UNC5D: variants seen among roughly 807,000 people sequenced by gnomAD.
The protein encoded by UNC5D is netrin receptor UNC5D.
UNC5D carries 39 observed loss-of-function variants against 105.4 expected under a neutral mutation model. The observed-to-expected ratio is 0.37, with a 90% CI of 0.29 to 0.48. The LOEUF is 0.48. Among genes scored for constraint, UNC5D ranks in the 20% least tolerant of loss-of-function variants. The pLI is 0.98. For missense variants in UNC5D, 991 were observed against 1,202.4 expected (o/e 0.82, Z 2.60); for synonymous variants, 452 against 450.4 (o/e 1.00, Z -0.04).
chr8:35,523,139 G>A lies in UNC5D; in HGVS notation c.104-26153G>A, dbSNP rs143481184. ...TGTTCTGTCACCTAGACTGAGTGCA[G>A]TGGTGCACTCATGGCTCACTGCAGC... On this transcript the variant is annotated intron_variant, in intron 1 of 16. Transcript: ENST00000404895. Among the ~76,000 whole-genome samples, 456 of 148,416 alleles carry A rather than the reference G, an allele frequency of 3.1e-3. 4 individuals are homozygous for A. The highest frequency in any genetic ancestry group is 0.011 in the African/African-American group (427 of 39,886).
intron 1 of UNC5D, among the ~76,000 whole-genome samples, chr8:35,508,978 T>TA (rs1812510492): frequency 6.6e-6 from 1 of 152,328 alleles, no homozygotes; most frequent in African/African-American, 2.4e-5. Context: ...AGCTAAGGTC[T>TA]AAGGTAAATG....
intron 1 of UNC5D, among the ~76,000 whole-genome samples, chr8:35,393,911 A>G (rs1414444700): frequency 6.6e-6 from 1 of 152,150 alleles, no homozygotes; most frequent in Non-Finnish European, 1.5e-5. Flanking sequence ...AGAAATAATT[A>G]TATTCCTAGT....
chr8:35,557,190 T>A (rs540956448), intron 2 of UNC5D, among the ~76,000 whole-genome samples: 124 of 152,324 alleles, frequency 8.1e-4, no homozygotes, highest in Middle Eastern at 3.4e-3. Flanking sequence ...CAGACAACAC[T>A]ATGAAGTTAA....
intron 4 of UNC5D, among the ~76,000 whole-genome samples, chr8:35,662,800 T>C (rs1224620671): frequency 6.6e-6 from 1 of 152,128 alleles, no homozygotes; most frequent in Non-Finnish European, 1.5e-5. Flanking sequence ...CAGACTAGTA[T>C]CAGTAGGTGG....
At chr8:35,330,848 T>C (rs1452029120) in intron 1 of UNC5D, among the ~76,000 whole-genome samples, 1 of 152,150 alleles carries the variant, frequency 6.6e-6, no homozygotes, top group Non-Finnish European at 1.5e-5. Context: ...TTATACAAAA[T>C]GTGGATAAAG....
At chr8:35,397,007 A>G (rs1387814506) in intron 1 of UNC5D, among the ~76,000 whole-genome samples, 1 of 151,940 alleles carries the variant, frequency 6.6e-6, no homozygotes. Flanking sequence ...TCCAGGTTCA[A>G]GCAATTCTCC....
intron 1 of UNC5D, among the ~76,000 whole-genome samples, chr8:35,526,964 T>C (rs540891974): frequency 1.6e-4 from 24 of 152,330 alleles, no homozygotes; most frequent in African/African-American, 4.8e-4. Context: ...GGGTCAAAAC[T>C]TTCTGTGCCT....
At chr8:35,613,185 T>A (rs1355215900) in intron 4 of UNC5D, among the ~76,000 whole-genome samples, 1 of 152,196 alleles carries the variant, frequency 6.6e-6, no homozygotes, top group Non-Finnish European at 1.5e-5. Flanking sequence ...TTAAGCAGTT[T>A]TCCTGCTTCA....
chr8:35,494,548 A>T (rs1007721199), intron 1 of UNC5D, among the ~76,000 whole-genome samples: 1 of 152,190 alleles, frequency 6.6e-6, no homozygotes. Context: ...TCTAGAAAGA[A>T]TTGATTTCCT....
intron 11 of UNC5D, among the ~76,000 whole-genome samples, chr8:35,742,728 A>G (rs906695356): frequency 1.3e-5 from 2 of 152,208 alleles, no homozygotes; most frequent in Non-Finnish European, 2.9e-5. Context: ...TATTGAGCAC[A>G]GAGGTAAAAT....
chr8:35,584,254 G>T (rs1204493477), intron 3 of UNC5D, among the ~76,000 whole-genome samples: 1 of 152,096 alleles, frequency 6.6e-6, no homozygotes, highest in Non-Finnish European at 1.5e-5. Flanking sequence ...GAATACAATC[G>T]ACGGAAAAGT....
At chr8:35,340,672 C>T (rs2128901676) in intron 1 of UNC5D, among the ~76,000 whole-genome samples, 1 of 152,210 alleles carries the variant, frequency 6.6e-6, no homozygotes, top group Non-Finnish European at 1.5e-5. Flanking sequence ...GGAGAAGAAA[C>T]TGAACATGTA....
intron 2 of UNC5D, among the ~76,000 whole-genome samples, chr8:35,553,177 T>C (rs1043906861): frequency 6.6e-6 from 1 of 152,202 alleles, no homozygotes; most frequent in Non-Finnish European, 1.5e-5. Context: ...TAAAGACCTC[T>C]TGAAGTATTG....
At chr8:35,499,049 C>T (rs1224499718) in intron 1 of UNC5D, among the ~76,000 whole-genome samples, 1 of 152,122 alleles carries the variant, frequency 6.6e-6, no homozygotes, top group African/African-American at 2.4e-5. Flanking sequence ...CCTTCACACC[C>T]CTTAACTTTA....
chr8:35,549,020 G>A (rs750073144), intron 1 of UNC5D, among the ~76,000 whole-genome samples: 1 of 152,096 alleles, frequency 6.6e-6, no homozygotes, highest in African/African-American at 2.4e-5. Flanking sequence ...CTGCAAAGAC[G>A]CTCGGATTCA....
intron 1 of UNC5D, among the ~76,000 whole-genome samples, chr8:35,258,119 C>T (rs1585430004): frequency 6.6e-6 from 1 of 152,156 alleles, no homozygotes; most frequent in Admixed American, 6.5e-5. Flanking sequence ...GAGGGCTGCT[C>T]TCTGCTTCCA....
At chr8:35,619,812 C>T (rs1437689984) in intron 4 of UNC5D, among the ~76,000 whole-genome samples, 2 of 152,210 alleles carry the variant, frequency 1.3e-5, no homozygotes, top group African/African-American at 4.8e-5. Flanking sequence ...TCCCCGGACT[C>T]CTTATCTTTA....
intron 1 of UNC5D, among the ~76,000 whole-genome samples, chr8:35,476,436 T>C (rs1051315141): frequency 6.6e-6 from 1 of 152,224 alleles, no homozygotes; most frequent in East Asian, 1.9e-4. Context: ...GATGAATCTC[T>C]TTCACAGCAT....
At chr8:35,373,421 T>G (rs1461606430) in intron 1 of UNC5D, among the ~76,000 whole-genome samples, 1 of 152,220 alleles carries the variant, frequency 6.6e-6, no homozygotes, top group Non-Finnish European at 1.5e-5. Context: ...ATGGACTTAT[T>G]TAGCCTTCTT....
Sources: gnomAD v4.1 joint callset for allele counts (sites outside exome capture counted in the v4.1 genomes callset) on GRCh38, gnomAD v4.1.1 for gene constraint, MANE v1.5 for transcripts, NCBI Gene and HGNC (gene_info 2026-07-23, HGNC 2026-07-21) for gene names.